The following OTUD7B variants were observed in gnomAD, a reference collection of about 807,000 sequenced individuals.
OTUD7B encodes OTU deubiquitinase 7B.
OTUD7B carries 34 observed loss-of-function variants against 82.2 expected under a neutral mutation model. That is an observed-to-expected ratio of 0.41 (90% CI 0.31 to 0.55). The LOEUF is 0.55. Among genes scored for constraint, OTUD7B ranks in the 20% least tolerant of loss-of-function variants. The probability of loss-of-function intolerance (pLI) is 0.20; values close to 1 mark genes in which losing one functional copy is unlikely to be tolerated. For synonymous variants in OTUD7B, 398 were observed against 402.7 expected, an observed-to-expected ratio of 0.99 and a Z score of 0.14; for missense variants, 944 against 1,062.1, an observed-to-expected ratio of 0.89 and a Z score of 1.55.
chr1:150,053,039 A>G, the OTUD7B span, among the ~76,000 whole-genome samples: 2 of 152,172 alleles, frequency 1.3e-5, no homozygotes. Flanking sequence ...AAATCAACTC[A>G]AGATGGAATA....
rs74126204 is a variant in OTUD7B, at chr1:149,986,239, A to T, written c.-66-8663T>A. On this transcript the variant is annotated intron_variant, in intron 1 of 11. Transcript: ENST00000581312. ...AAGTATATTTGTATGGTACCCCATC[A>T]CACACACACACACACACACACACAC... is the stretch of plus-strand genomic sequence containing the variant. 9.4e-3 allele frequency among the ~76,000 whole-genome samples: 1,090 copies of T among 115,418 alleles called. 15 individuals are homozygous for T. The highest frequency in any genetic ancestry group is 0.033 in the African/African-American group (1,042 of 31,632). The allele number at this position is 115,418 out of a possible 152,430, so 75.7% of individuals were successfully genotyped here.
chr1:150,032,074 G>T, the OTUD7B span, among the ~76,000 whole-genome samples: 1 of 149,670 alleles, frequency 6.7e-6, no homozygotes, highest in African/African-American at 2.5e-5. Flanking sequence ...ACTTTGGGAG[G>T]CTGAGGCGGG....
At chr1:150,037,692 C>T in the OTUD7B span, among the ~76,000 whole-genome samples, 2 of 151,912 alleles carry the variant, frequency 1.3e-5, no homozygotes, top group African/African-American at 4.8e-5. Flanking sequence ...CGGATTCAAG[C>T]GATTCTCATG....
chr1:150,035,220 T>C, the OTUD7B span, among the ~76,000 whole-genome samples: 1 of 152,012 alleles, frequency 6.6e-6, no homozygotes, highest in Admixed American at 6.6e-5. Flanking sequence ...GCTTTTTTCA[T>C]AAGACCAACA....
chr1:149,960,311 A>C (rs782023052), intron 6 of OTUD7B, among the ~76,000 whole-genome samples: 11 of 150,178 alleles, frequency 7.3e-5, no homozygotes, highest in Non-Finnish European at 1.3e-4. Flanking sequence ...CCATAATCTC[A>C]TCCACTACCA....
chr1:150,014,561 T>C (rs371458412), upstream of OTUD7B, among the ~76,000 whole-genome samples: 5 of 152,170 alleles, frequency 3.3e-5, no homozygotes, highest in Admixed American at 2.6e-4. Context: ...TTATTCATAA[T>C]AGCTCCAAAC....
At chr1:149,946,119 C>A (rs755433160) in intron 11 of OTUD7B, among the ~76,000 whole-genome samples, 2 of 151,434 alleles carry the variant, frequency 1.3e-5, no homozygotes, top group Admixed American at 6.6e-5. Context: ...TGGCTCACGC[C>A]TGTAATCCCA....
the OTUD7B span, among the ~76,000 whole-genome samples, chr1:150,038,303 CTA>C: frequency 6.6e-5 from 10 of 151,994 alleles, no homozygotes; most frequent in Non-Finnish European, 8.8e-5. Context: ...ATTGGATTGA[CTA>C]TGTTTTCTTT....
chr1:149,948,388 T>TC (rs1177926888), intron 10 of OTUD7B, among the ~76,000 whole-genome samples: 1 of 151,120 alleles, frequency 6.6e-6, no homozygotes, highest in Admixed American at 6.6e-5. Context: ...TTTTTTTTTT[T>TC]TGAGACAGAC....
At chr1:150,032,645 G>A in the OTUD7B span, among the ~76,000 whole-genome samples, 1 of 148 alleles carries the variant, frequency 6.8e-3, no homozygotes, top group Admixed American at 0.033. Flanking sequence ...AAGAAGAAAA[G>A]AAGAAAAGAA....
the OTUD7B span, among the ~76,000 whole-genome samples, chr1:150,050,150 C>T: frequency 2.6e-5 from 4 of 151,750 alleles, no homozygotes; most frequent in Admixed American, 6.6e-5. Flanking sequence ...GCCATGATTG[C>T]GCCACTGTAC....
intron 3 of OTUD7B, among the ~76,000 whole-genome samples, chr1:149,969,542 A>C (rs1269858298): frequency 6.6e-6 from 1 of 152,028 alleles, no homozygotes; most frequent in African/African-American, 2.4e-5. Context: ...TGGGAGGCCG[A>C]GGCAGGTGGA....
the OTUD7B span, among the ~76,000 whole-genome samples, chr1:150,065,138 A>G: frequency 2.0e-5 from 3 of 151,580 alleles, no homozygotes; most frequent in Non-Finnish European, 4.4e-5. Flanking sequence ...GCTGCAGTGC[A>G]GTGGCACACT....
the OTUD7B span, among the ~76,000 whole-genome samples, chr1:150,030,606 C>T: frequency 6.6e-6 from 1 of 152,156 alleles, no homozygotes; most frequent in Non-Finnish European, 1.5e-5. Flanking sequence ...TCGTTGGAAC[C>T]TGTGTCTCCT....
At chr1:149,953,329 G>C (rs371880522) in intron 7 of OTUD7B, among the ~76,000 whole-genome samples, 5 of 152,056 alleles carry the variant, frequency 3.3e-5, no homozygotes. Context: ...TCTTGTTTTT[G>C]TCAGGTTTGT....
chr1:149,982,190 T>C (rs587669840), intron 1 of OTUD7B, among the ~76,000 whole-genome samples: 179 of 151,772 alleles, frequency 1.2e-3, no homozygotes, highest in African/African-American at 4.2e-3. Flanking sequence ...AATAAAAACA[T>C]TCTTACTCAT....
chr1:149,985,300 C>T (rs1235751402), intron 1 of OTUD7B, among the ~76,000 whole-genome samples: 3 of 152,144 alleles, frequency 2.0e-5, no homozygotes, highest in Non-Finnish European at 2.9e-5. Flanking sequence ...CCCAGCTACT[C>T]GGGAGGCTGA....
upstream of OTUD7B, among the ~76,000 whole-genome samples, chr1:150,014,084 G>GTGTGTATATA (rs1336267152): frequency 1.3e-4 from 4 of 30,388 alleles, no homozygotes; most frequent in African/African-American, 3.3e-4. Context: ...GTGTGTGTGT[G>GTGTGTATATA]TATATATATA....
At chr1:149,955,409 GTT>G (rs1242327191) in intron 7 of OTUD7B, among the ~76,000 whole-genome samples, 2 of 152,214 alleles carry the variant, frequency 1.3e-5, no homozygotes, top group Non-Finnish European at 2.9e-5. Flanking sequence ...CTGACAGACA[GTT>G]TGTTATAATT....
Sources: allele counts gnomAD v4.1 joint callset (sites outside exome capture counted in the v4.1 genomes callset), GRCh38; gene constraint gnomAD v4.1.1; transcripts MANE v1.5; gene names NCBI Gene and HGNC (gene_info 2026-07-23, HGNC 2026-07-21).